Variants in NSD1 observed in about 807,000 individuals in gnomAD.
NSD1 encodes the protein nuclear receptor binding SET domain protein 1, also known as histone-lysine N-methyltransferase, H3 lysine-36 specific.
Under a neutral mutation model 242.7 loss-of-function variants are expected in NSD1, and 26 were observed. The observed-to-expected ratio is 0.11, with a 90% CI of 0.08 to 0.15. The LOEUF is 0.15. Ranked by LOEUF, NSD1 falls within the 10% of genes least tolerant of loss-of-function variation. NSD1 has a pLI of 1.00. For missense variants in NSD1, 2,495 were observed against 3,272.8 expected, an observed-to-expected ratio of 0.76 and a Z score of 5.80; for synonymous variants, 1,106 against 1,178.1, an observed-to-expected ratio of 0.94 and a Z score of 1.25.
intron 4 of NSD1, among the ~76,000 whole-genome samples, chr5:177,207,593 ATTTTTTTTTTTTTTTT>A (rs150492535): frequency 3.8e-5 from 3 of 78,218 alleles, no homozygotes; most frequent in Non-Finnish European, 6.5e-5. Flanking sequence ...ATTTATTTAA[ATTTTTTTTTTTTTTTT>A]TTTTTTTTTT....
In NSD1 at chr5:177,196,674, G is replaced by A. The variant is rs983339369; in HGVS notation, c.1063+4655G>A. On this transcript the variant is annotated intron_variant, in intron 3 of 22. Coordinates refer to ENST00000439151, the MANE Select transcript of NSD1 (RefSeq NM_022455.5). ...CTTGTTCATATTAGTTGGAGCCATG[G>A]GCAAGGCATGGGTGAGATTTTTTGG... Among the ~76,000 whole-genome samples the A allele has an allele frequency of 8.4e-4, 128 of 152,244 alleles. 1 individual carries two copies. Among genetic ancestry groups the A allele is most frequent in the East Asian group, 1.9e-4 (1 of 5,186 alleles).
intron 2 of NSD1, among the ~76,000 whole-genome samples, chr5:177,171,719 T>G (rs566727793): frequency 6.6e-6 from 1 of 152,358 alleles, no homozygotes; most frequent in African/African-American, 2.4e-5. Flanking sequence ...TATTTGTCTA[T>G]TTGTGTCTGG....
At chr5:177,257,301 G>C (rs1756561077) in intron 13 of NSD1, 150 bp downstream of exon 13, 1 of 703,230 alleles carries the variant, frequency 1.4e-6, no homozygotes, top group Admixed American at 2.6e-5. Flanking sequence ...CGTGATCTTG[G>C]CCCACTGCAA....
Position 177,269,526 on chromosome 5 carries a change from T to C in NSD1, c.5304-76T>C, listed in dbSNP as rs1757789467. Reference sequence around the variant, plus strand: ...ACAGACAGACATTGCTAATCCTTACTTTTATATGAGTAGGTTATTTTCCTA... The same window carrying C: ...ACAGACAGACATTGCTAATCCTTACCTTTATATGAGTAGGTTATTTTCCTA... On this transcript the variant is annotated intron_variant, in intron 15 of 22. Coordinates refer to ENST00000439151, the MANE Select transcript of NSD1 (RefSeq NM_022455.5). The surrounding 1 kb of genome is among the most constrained non-coding windows in gnomAD (Gnocchi z 5.1). The C allele has an allele frequency of 2.8e-5, 37 of 1,315,286 alleles. No individual in the cohort carries two copies. In the South Asian group the frequency reaches 4.2e-4, roughly 15 times the overall value. The allele number at this position is 1,315,286 out of a possible 1,614,324, so 81.5% of individuals were successfully genotyped here.
At chr5:177,139,618 G>A (rs1020127939) in intron 2 of NSD1, among the ~76,000 whole-genome samples, 1 of 152,104 alleles carries the variant, frequency 6.6e-6, no homozygotes, top group Non-Finnish European at 1.5e-5. Context: ...ACTATGCTGG[G>A]AATTTTAGAA....
chr5:177,280,979 C>A, intron 18 of NSD1, 145 bp downstream of exon 18: 1 of 925,772 alleles, frequency 1.1e-6, no homozygotes, highest in Non-Finnish European at 1.6e-6. Context: ...TATCCTTCTA[C>A]CGTTTAGAGG....
At chr5:177,200,663 T>A (rs564235576) in intron 3 of NSD1, among the ~76,000 whole-genome samples, 2 of 152,210 alleles carry the variant, frequency 1.3e-5, no homozygotes, top group African/African-American at 4.8e-5. Flanking sequence ...ACATTTGTCC[T>A]ATTGACCCCT....
chr5:177,172,648 G>A (rs1203102681), intron 2 of NSD1, among the ~76,000 whole-genome samples: 1 of 152,152 alleles, frequency 6.6e-6, no homozygotes, highest in Non-Finnish European at 1.5e-5. Flanking sequence ...GTGAATCGCT[G>A]AGGCAAAATC....
chr5:177,291,999 A>C lies in NSD1; in HGVS notation c.6304A>C (p.Lys2102Gln). Reference sequence around the variant, plus strand: ...AGAAAAGTCAAAGAAATTCAAGAAGAAGCAACAGGGAAAGCGCAGGACCCA... The same window carrying C: ...AGAAAAGTCAAAGAAATTCAAGAAGCAGCAACAGGGAAAGCGCAGGACCCA... ...TEEKSKKFKK[K>Q]QQGKRRTQGE... The change falls in exon 22 of 23, where the codon AAG becomes CAG. Residue 2102 changes from lysine to glutamine, a missense_variant. Physicochemically the swap from Lys to Gln is moderately conservative, Grantham distance 53. Coordinates refer to ENST00000439151, the MANE Select transcript of NSD1 (RefSeq NM_022455.5). The C allele has an allele frequency of 1.2e-6, 2 of 1,614,100 alleles. No homozygotes were observed. Among genetic ancestry groups the C allele is most frequent in the Non-Finnish European group, 1.7e-6 (2 of 1,179,992 alleles).
intron 16 of NSD1, among the ~76,000 whole-genome samples, chr5:177,272,112 GTCCACCCACCCCTC>G (rs1230705844): frequency 6.6e-6 from 1 of 151,762 alleles, no homozygotes; most frequent in East Asian, 1.9e-4. Context: ...GACTCTGTGT[GTCCACCCACCCCTC>G]CCCGCCCGCC....
chr5:177,189,141 G>A (rs1240186820), intron 2 of NSD1, among the ~76,000 whole-genome samples: 3 of 152,136 alleles, frequency 2.0e-5, no homozygotes, highest in Admixed American at 2.0e-4. Context: ...TATTTTTGGG[G>A]CTTAAAATAC....
At chr5:177,149,195 T>A (rs950767352) in intron 2 of NSD1, among the ~76,000 whole-genome samples, 2 of 152,004 alleles carry the variant, frequency 1.3e-5, no homozygotes, top group Non-Finnish European at 2.9e-5. Flanking sequence ...CGTGTAGATA[T>A]GTAGTAATGT....
At chr5:177,283,110 C>T (rs112329861) in intron 19 of NSD1, among the ~76,000 whole-genome samples, 13,706 of 152,110 alleles carry the variant, frequency 0.09, 2,017 homozygotes, top group African/African-American at 0.31. Flanking sequence ...TCCGCCACCA[C>T]GCCCGGCTAA....
chr5:177,184,873 T>A (rs1014007136), intron 2 of NSD1, among the ~76,000 whole-genome samples: 3 of 152,158 alleles, frequency 2.0e-5, no homozygotes, highest in African/African-American at 7.2e-5. Flanking sequence ...TATTTATACT[T>A]GGGTTGATTT....
chr5:177,271,858 C>T (rs1486512103), intron 16 of NSD1, among the ~76,000 whole-genome samples: 7 of 152,036 alleles, frequency 4.6e-5, no homozygotes, highest in African/African-American at 1.2e-4. Context: ...GCAGAAATGA[C>T]GAGACTCTGC....
At chr5:177,132,357 G>A (rs1244041758), upstream of NSD1, among the ~76,000 whole-genome samples, 1 of 151,204 alleles carries the variant, frequency 6.6e-6, no homozygotes, top group Non-Finnish European at 1.5e-5. The surrounding 1 kb of genome is among the most constrained non-coding windows in gnomAD (Gnocchi z 7.5). Context: ...GGCGCGGCCC[G>A]TCCCGTCCCG....
At chr5:177,290,425 T>TG (rs57761070) in intron 21 of NSD1, among the ~76,000 whole-genome samples, 2 of 149,014 alleles carry the variant, frequency 1.3e-5, no homozygotes, top group Non-Finnish European at 3.0e-5. Flanking sequence ...TTTTTTTTTT[T>TG]GAGACGGAGT....
At chr5:177,165,652 G>A (rs1253441567) in intron 2 of NSD1, among the ~76,000 whole-genome samples, 1 of 152,024 alleles carries the variant, frequency 6.6e-6, no homozygotes. Context: ...GAGTACAGTG[G>A]TGTGATCATA....
chr5:177,194,074 G>C (rs13167431), intron 3 of NSD1, among the ~76,000 whole-genome samples: 21,734 of 152,064 alleles, frequency 0.14, 2,037 homozygotes, highest in East Asian at 0.51. Flanking sequence ...ACCACACCTG[G>C]CTGATATTAA....
Sources: allele counts gnomAD v4.1 joint callset (sites outside exome capture counted in the v4.1 genomes callset), GRCh38; gene constraint gnomAD v4.1.1; non-coding constraint Gnocchi (gnomAD v3.1); transcripts MANE v1.5; gene names NCBI Gene and HGNC (gene_info 2026-07-23, HGNC 2026-07-21).